CNTN5: variants seen among roughly 807,000 people sequenced by gnomAD.
CNTN5 encodes contactin 5.
A neutral mutation model predicts 129.1 loss-of-function variants in CNTN5; 77 were observed. The ratio of observed to expected loss-of-function variants is 0.60; its 90% CI spans 0.50 to 0.72. The LOEUF is 0.72. CNTN5 is among the 30% of genes least tolerant of loss of function. The probability of loss-of-function intolerance (pLI) is 0.00; values close to 1 mark genes in which losing one functional copy is unlikely to be tolerated. For missense variants in CNTN5, 1,478 were observed against 1,328.8 expected, an observed-to-expected ratio of 1.11 and a Z score of -1.75; for synonymous variants, 509 against 465.6, an observed-to-expected ratio of 1.09 and a Z score of -1.20.
chr11:100,029,363 A>T (rs1416727008), intron 9 of CNTN5, among the ~76,000 whole-genome samples: 2 of 151,734 alleles, frequency 1.3e-5, no homozygotes, highest in Non-Finnish European at 2.9e-5. Context: ...CGGGTGGATC[A>T]TGAGGTCAGG....
At chr11:99,233,560 T>G (rs935722673) in intron 1 of CNTN5, among the ~76,000 whole-genome samples, 2 of 152,206 alleles carry the variant, frequency 1.3e-5, no homozygotes, top group African/African-American at 4.8e-5. Context: ...TGCCCAGAGT[T>G]AATAGACAAA....
intron 16 of CNTN5, among the ~76,000 whole-genome samples, chr11:100,236,245 A>G (rs921180084): frequency 1.4e-4 from 22 of 152,100 alleles, no homozygotes; most frequent in African/African-American, 4.8e-4. Flanking sequence ...GCACTCACTC[A>G]TTGGGGCAGC....
At chr11:100,279,918 T>C (rs1327284271) in intron 18 of CNTN5, among the ~76,000 whole-genome samples, 4 of 150,228 alleles carry the variant, frequency 2.7e-5, no homozygotes, top group Non-Finnish European at 4.5e-5. Flanking sequence ...TTCTTTTTTT[T>C]TTTTTTTTAA....
intron 3 of CNTN5, among the ~76,000 whole-genome samples, chr11:99,651,327 G>A (rs1357163027): frequency 1.3e-5 from 2 of 151,688 alleles, no homozygotes; most frequent in Non-Finnish European, 2.9e-5. Flanking sequence ...GTGCAGAAAG[G>A]GGAAAGAAGT....
rs76807090 is a variant in CNTN5, at chr11:100,231,430, C to A, written c.2005+6618C>A. On this transcript the variant is annotated intron_variant, in intron 16 of 24. Transcript: ENST00000524871. Reference sequence around the variant, plus strand: ...GCAGGATCTATAGAACTTGATGGCCCACTGGTTATGTAAAATGAGAACGAG... The same window carrying A: ...GCAGGATCTATAGAACTTGATGGCCAACTGGTTATGTAAAATGAGAACGAG... 7.3e-3 allele frequency among the ~76,000 whole-genome samples: 1,112 copies of A among 152,178 alleles called. 15 individuals are homozygous for A. The highest frequency in any genetic ancestry group is 0.024 in the African/African-American group (1,017 of 41,516).
At chr11:99,440,528 T>C (rs528857777) in intron 2 of CNTN5, among the ~76,000 whole-genome samples, 1 of 152,308 alleles carries the variant, frequency 6.6e-6, no homozygotes, top group African/African-American at 2.4e-5. Context: ...TCAGAATTAT[T>C]TGTAGGTTAC....
At chr11:100,069,808 A>G (rs1328379654) in intron 10 of CNTN5, among the ~76,000 whole-genome samples, 1 of 152,194 alleles carries the variant, frequency 6.6e-6, no homozygotes, top group Non-Finnish European at 1.5e-5. Context: ...AAATTGGCCA[A>G]TAGTGGAAAT....
intron 3 of CNTN5, among the ~76,000 whole-genome samples, chr11:99,772,996 A>C (rs1944996835): frequency 6.6e-6 from 1 of 152,116 alleles, no homozygotes; most frequent in African/African-American, 2.4e-5. Context: ...TATACACATA[A>C]TGTATAACTT....
chr11:99,822,890 C>A (rs1404662368), intron 4 of CNTN5, among the ~76,000 whole-genome samples: 5 of 152,166 alleles, frequency 3.3e-5, no homozygotes, highest in African/African-American at 1.2e-4. Flanking sequence ...CACTGGCTTC[C>A]ATCTTGTTTG....
intron 2 of CNTN5, among the ~76,000 whole-genome samples, chr11:99,482,862 G>T (rs1191340964): frequency 2.7e-5 from 4 of 149,698 alleles, no homozygotes; most frequent in Non-Finnish European, 5.9e-5. Flanking sequence ...TCAAGACTGG[G>T]ATTAAATATT....
chr11:99,387,130 G>A (rs1940968185), intron 2 of CNTN5, among the ~76,000 whole-genome samples: 1 of 152,078 alleles, frequency 6.6e-6, no homozygotes, highest in Non-Finnish European at 1.5e-5. Context: ...TGAATAGCAG[G>A]GAGGTTAATT....
chr11:100,223,047 G>A, intron 15 of CNTN5, among the ~76,000 whole-genome samples: 1 of 152,150 alleles, frequency 6.6e-6, no homozygotes, highest in Non-Finnish European at 1.5e-5. Flanking sequence ...TTTGAGAGAA[G>A]TAAGCACTTA....
intron 3 of CNTN5, among the ~76,000 whole-genome samples, chr11:99,689,792 T>A (rs1470028003): frequency 6.6e-6 from 1 of 152,070 alleles, no homozygotes; most frequent in African/African-American, 2.4e-5. Context: ...CTTTTTCTTG[T>A]AGATTTTTTA....
chr11:100,177,682 T>C (rs1455471960), intron 13 of CNTN5, among the ~76,000 whole-genome samples: 2 of 152,158 alleles, frequency 1.3e-5, no homozygotes, highest in Non-Finnish European at 2.9e-5. Context: ...TATAATTGTC[T>C]TTCCTTTTAA....
In CNTN5 at chr11:99,762,605, G is replaced by A. The variant is rs186529612; in HGVS notation, c.56-56939G>A. Among the ~76,000 whole-genome samples the A allele has an allele frequency of 6.6e-5, 10 of 152,040 alleles. No individual in the cohort carries two copies. In the East Asian group the frequency reaches 1.7e-3, roughly 27 times the overall value. ...ATGCGGCGTTATTTCTGAGGGCTCTGTTCTGTTCCATTGATCAATATCTCT... is the reference window on the plus strand; with the variant it reads ...ATGCGGCGTTATTTCTGAGGGCTCTATTCTGTTCCATTGATCAATATCTCT... On this transcript the variant is annotated intron_variant, in intron 3 of 24. Coordinates refer to ENST00000524871, the MANE Select transcript of CNTN5 (RefSeq NM_014361.4).
Position 100,145,162 on chromosome 11 carries a change from C to T in CNTN5, c.1581-45964C>T, listed in dbSNP as rs1007380026. Among the ~76,000 whole-genome samples the T allele has an allele frequency of 9.2e-5, 14 of 152,086 alleles. 1 individual carries two copies. Among genetic ancestry groups the T allele is most frequent in the Admixed American group, 5.9e-4 (9 of 15,224 alleles). ...ATATGTAAAACTCAGGATAATCATACCTACTTTGTAGAGTTCTTGGGAAGA... is the reference window on the plus strand; with the variant it reads ...ATATGTAAAACTCAGGATAATCATATCTACTTTGTAGAGTTCTTGGGAAGA... On this transcript the variant is annotated intron_variant, in intron 13 of 24. Coordinates refer to ENST00000524871, the MANE Select transcript of CNTN5 (RefSeq NM_014361.4).
At chr11:99,847,116 G>A (rs1272391977) in intron 6 of CNTN5, among the ~76,000 whole-genome samples, 1 of 152,154 alleles carries the variant, frequency 6.6e-6, no homozygotes, top group Non-Finnish European at 1.5e-5. Flanking sequence ...TTACAGTTTG[G>A]TCTACAGTAT....
Position 99,311,377 on chromosome 11 carries a change from T to A in CNTN5, c.-209-13969T>A, listed in dbSNP as rs369554389. On this transcript the variant is annotated intron_variant, in intron 1 of 24. Transcript: ENST00000524871. The stretch of plus-strand genomic sequence containing the variant: ...GGGTTATTGTTCTACAATTTGCTTT[T>A]TTTTAAGAATACCATTGTCATATTT... 4.6e-5 allele frequency among the ~76,000 whole-genome samples: 7 copies of A among 152,338 alleles called. No individual in the cohort carries two copies. The East Asian group carries it at 1.2e-3, about 25-fold the overall frequency.
At chr11:100,330,909 TA>T (rs1951893158) in intron 21 of CNTN5, among the ~76,000 whole-genome samples, 1 of 151,878 alleles carries the variant, frequency 6.6e-6, no homozygotes, top group Admixed American at 6.6e-5. Context: ...TGTAAAACAA[TA>T]ACACAATGGA....
Sources: gnomAD v4.1 joint callset for allele counts (sites outside exome capture counted in the v4.1 genomes callset) on GRCh38, gnomAD v4.1.1 for gene constraint, MANE v1.5 for transcripts, NCBI Gene and HGNC (gene_info 2026-07-23, HGNC 2026-07-21) for gene names.